The following TNFSF4 variants were observed in gnomAD, a reference collection of about 807,000 sequenced individuals.
TNFSF4 encodes the protein tumor necrosis factor ligand superfamily member 4.
TNFSF4 carries 4 observed loss-of-function variants against 7.3 expected under a neutral mutation model. That is an observed-to-expected ratio of 0.55 (90% confidence interval 0.27 to 1.25). The LOEUF (loss-of-function observed/expected upper bound fraction) is 1.25. TNFSF4 is among the 50% of genes most tolerant of loss of function. The pLI, the probability that TNFSF4 is intolerant of heterozygous loss-of-function variation, is 0.12. For synonymous variants in TNFSF4, 76 were observed against 83.7 expected (o/e 0.91, Z 0.50); for missense variants, 181 against 208.8 (o/e 0.87, Z 0.82).
At chr1:173,225,540 C>CT in the TNFSF4 span, among the ~76,000 whole-genome samples, 1 of 152,180 alleles carries the variant, frequency 6.6e-6, no homozygotes, top group South Asian at 2.1e-4. Context: ...AGAAAAGGGA[C>CT]TAAAGTGTTT....
chr1:173,259,460 TC>T, the TNFSF4 span, among the ~76,000 whole-genome samples: 1 of 152,116 alleles, frequency 6.6e-6, no homozygotes, highest in Non-Finnish European at 1.5e-5. Flanking sequence ...ACAACGCCTC[TC>T]CAGCAAGGGC....
At chr1:173,436,503 G>A in the TNFSF4 span, among the ~76,000 whole-genome samples, 2 of 152,120 alleles carry the variant, frequency 1.3e-5, no homozygotes, top group African/African-American at 4.8e-5. Flanking sequence ...TCTCCCTCCC[G>A]GGTTCAAGCA....
At chr1:173,236,920 G>A in the TNFSF4 span, among the ~76,000 whole-genome samples, 1 of 152,116 alleles carries the variant, frequency 6.6e-6, no homozygotes, top group Admixed American at 6.6e-5. Flanking sequence ...ATATGGTTGG[G>A]TTGTGTCCCC....
At chr1:173,290,386 C>T in the TNFSF4 span, among the ~76,000 whole-genome samples, 3 of 151,836 alleles carry the variant, frequency 2.0e-5, no homozygotes, top group African/African-American at 4.8e-5. Context: ...AGTCAAGGGA[C>T]GAAGAAAGGT....
the TNFSF4 span, among the ~76,000 whole-genome samples, chr1:173,316,470 C>G: frequency 6.6e-6 from 1 of 151,886 alleles, no homozygotes; most frequent in African/African-American, 2.4e-5. Flanking sequence ...AGACTTTTTC[C>G]AAGTAAAAAA....
rs186614998 is a variant in TNFSF4, at chr1:173,191,662, G to A, written c.154-3093C>T. Among the ~76,000 whole-genome samples the A allele has an allele frequency of 3.8e-3, 577 of 152,336 alleles. 7 individuals carry two copies. Among genetic ancestry groups the A allele is most frequent in the South Asian group, 0.024 (118 of 4,828 alleles). On this transcript the variant is annotated intron_variant, in intron 1 of 2. Transcript: ENST00000281834. ...CTTGGGTAGGCAGCCTGGTAGGATG[G>A]CACAAAGAGCATAGACTTTGGAGTC...
intron 1 of TNFSF4, among the ~76,000 whole-genome samples, chr1:173,194,827 T>A (rs1038472313): frequency 1.4e-5 from 2 of 146,500 alleles, no homozygotes; most frequent in Admixed American, 1.4e-4. Context: ...CCCAGGAGAT[T>A]GAGGCTGCAG....
chr1:173,242,607 G>A, the TNFSF4 span, among the ~76,000 whole-genome samples: 1 of 152,200 alleles, frequency 6.6e-6, no homozygotes, highest in East Asian at 1.9e-4. Context: ...AAAGATTAGG[G>A]GGGATTATCC....
At chr1:173,236,928 C>T in the TNFSF4 span, among the ~76,000 whole-genome samples, 1 of 151,926 alleles carries the variant, frequency 6.6e-6, no homozygotes, top group South Asian at 2.1e-4. Context: ...GGGTTGTGTC[C>T]CCCCACCAAA....
At chr1:173,366,024 G>C in the TNFSF4 span, among the ~76,000 whole-genome samples, 1 of 152,078 alleles carries the variant, frequency 6.6e-6, no homozygotes, top group East Asian at 1.9e-4. Context: ...ATACACTGTT[G>C]GTGGGAATGT....
At chr1:173,447,572 A>T in the TNFSF4 span, among the ~76,000 whole-genome samples, 51,132 of 151,976 alleles carry the variant, frequency 0.34, 9,231 homozygotes, top group East Asian at 0.6. Context: ...CTTTTTAAAG[A>T]TTTTTTTAAA....
chr1:173,404,998 G>T, the TNFSF4 span, among the ~76,000 whole-genome samples: 3 of 152,104 alleles, frequency 2.0e-5, no homozygotes, highest in East Asian at 5.8e-4. Flanking sequence ...ATTTTACTCT[G>T]CTCTATTTTC....
chr1:173,339,891 T>A, the TNFSF4 span, among the ~76,000 whole-genome samples: 1 of 152,194 alleles, frequency 6.6e-6, no homozygotes, highest in African/African-American at 2.4e-5. Flanking sequence ...GATAGCTTAA[T>A]GTGTCATCTT....
the TNFSF4 span, among the ~76,000 whole-genome samples, chr1:173,214,571 T>C: frequency 6.6e-6 from 1 of 152,086 alleles, no homozygotes; most frequent in South Asian, 2.1e-4. Flanking sequence ...ACACTAATGA[T>C]AGCTAATGAG....
At chr1:173,399,462 GA>G in the TNFSF4 span, among the ~76,000 whole-genome samples, 1 of 152,148 alleles carries the variant, frequency 6.6e-6, no homozygotes, top group Non-Finnish European at 1.5e-5. Flanking sequence ...TTGGGAAGAG[GA>G]ATGGCCAGAC....
At chr1:173,336,521 C>T in the TNFSF4 span, among the ~76,000 whole-genome samples, 1 of 152,108 alleles carries the variant, frequency 6.6e-6, no homozygotes, top group South Asian at 2.1e-4. Flanking sequence ...GAAGTAGTTT[C>T]AAGCAGTTTG....
chr1:173,190,500 G>A (rs1269894878), intron 1 of TNFSF4, among the ~76,000 whole-genome samples: 1 of 152,212 alleles, frequency 6.6e-6, no homozygotes, highest in Admixed American at 6.5e-5. Context: ...CCCTGCCAGG[G>A]ACTGGGCTGC....
At chr1:173,331,767 G>A in the TNFSF4 span, among the ~76,000 whole-genome samples, 1 of 152,186 alleles carries the variant, frequency 6.6e-6, no homozygotes, top group Non-Finnish European at 1.5e-5. Context: ...GTCCAGCTGT[G>A]TAAAATAGAG....
the TNFSF4 span, among the ~76,000 whole-genome samples, chr1:173,228,559 A>G: frequency 6.6e-6 from 1 of 152,256 alleles, no homozygotes; most frequent in Non-Finnish European, 1.5e-5. Flanking sequence ...CTCGCCAGCA[A>G]TGGAACAAAG....
Sources: allele counts gnomAD v4.1 joint callset (sites outside exome capture counted in the v4.1 genomes callset), GRCh38; gene constraint gnomAD v4.1.1; transcripts MANE v1.5; gene names NCBI Gene and HGNC (gene_info 2026-07-23, HGNC 2026-07-21).